The following MINDY2 variants were observed in gnomAD, a reference collection of about 807,000 sequenced individuals.
MINDY2 encodes the protein ubiquitin carboxyl-terminal hydrolase MINDY-2.
A neutral mutation model predicts 68.2 loss-of-function variants in MINDY2; 52 were observed. That is an observed-to-expected ratio of 0.76 (90% CI 0.61 to 0.96). The LOEUF (loss-of-function observed/expected upper bound fraction) is 0.96, where lower values mean the gene tolerates loss of function less well. Ranked by LOEUF, MINDY2 falls within the 40% of genes least tolerant of loss-of-function variation. The pLI is 0.00. For missense variants in MINDY2, 881 were observed against 773.4 expected (o/e 1.14, Z -1.65); for synonymous variants, 372 against 303.0 (o/e 1.23, Z -2.36).
intron 1 of MINDY2, among the ~76,000 whole-genome samples, chr15:58,777,473 C>G (rs1249428553): frequency 1.3e-5 from 2 of 152,006 alleles, no homozygotes; most frequent in Admixed American, 6.5e-5. Flanking sequence ...GGCGATCATT[C>G]ATAATCTATT....
At chr15:58,848,006 G>A (rs1319920519) in intron 7 of MINDY2, among the ~76,000 whole-genome samples, 1 of 152,116 alleles carries the variant, frequency 6.6e-6, no homozygotes, top group African/African-American at 2.4e-5. Flanking sequence ...AAGGTAAGGA[G>A]GAGTAGTAGA....
At chr15:58,840,206 T>C (rs1412905667) in intron 6 of MINDY2, among the ~76,000 whole-genome samples, 3 of 152,168 alleles carry the variant, frequency 2.0e-5, no homozygotes, top group Non-Finnish European at 4.4e-5. Flanking sequence ...ATCAAACTGA[T>C]CCATTTTTTG....
intron 5 of MINDY2, among the ~76,000 whole-genome samples, chr15:58,823,517 A>C (rs2141003021): frequency 6.6e-6 from 1 of 152,110 alleles, no homozygotes; most frequent in Non-Finnish European, 1.5e-5. Context: ...CTAAAAAATA[A>C]AAATAAAAAA....
chr15:58,810,097 A>G (rs1007662354), intron 3 of MINDY2, 133 bp from the exon 4 acceptor site: 8 of 808,724 alleles, frequency 9.9e-6, no homozygotes, highest in Admixed American at 5.6e-5. Flanking sequence ...TAGATACTCA[A>G]TAATAAAAAT....
At chr15:58,830,513 C>G (rs1456756966) in intron 5 of MINDY2, among the ~76,000 whole-genome samples, 5 of 152,132 alleles carry the variant, frequency 3.3e-5, no homozygotes, top group African/African-American at 9.7e-5. Context: ...ATAATGCAGA[C>G]ATTCCAAAAT....
chr15:58,826,360 G>C (rs1373116356), intron 5 of MINDY2, among the ~76,000 whole-genome samples: 1 of 151,144 alleles, frequency 6.6e-6, no homozygotes, highest in African/African-American at 2.4e-5. Context: ...CTCCCAAGTA[G>C]CTGGGATCAC....
At chr15:58,829,881 G>A (rs1281277174) in intron 5 of MINDY2, among the ~76,000 whole-genome samples, 1 of 152,162 alleles carries the variant, frequency 6.6e-6, no homozygotes, top group African/African-American at 2.4e-5. Flanking sequence ...GATGTCGAGG[G>A]AGTGGAATAA....
Position 58,851,884 on chromosome 15 carries a change from A to G in MINDY2, c.1656A>G (p.Glu552=), listed in dbSNP as rs573351259. Residue 552 remains glutamate (E), a synonymous_variant, in exon 8 of 9, where the codon GAA becomes GAG. Coordinates refer to ENST00000559228, the MANE Select transcript of MINDY2 (RefSeq NM_001040450.3). ...DLELAKKLQE[E]EDRRASQYYQ... is the part of the protein sequence containing the mutation. Reference sequence around the variant, plus strand: ...AACTAGCAAAGAAACTCCAAGAGGAAGAGGACAGACGGGCTTCTCAATACT... The same window carrying G: ...AACTAGCAAAGAAACTCCAAGAGGAGGAGGACAGACGGGCTTCTCAATACT... 144 of 1,613,610 alleles carry G rather than the reference A, an allele frequency of 8.9e-5. 1 individual carries two copies. In the South Asian group the frequency reaches 1.5e-3, roughly 17 times the overall value.
In MINDY2 at chr15:58,771,659, G is replaced by A. The variant is rs1313026219; in HGVS notation, c.264G>A (p.Lys88=). ...GCTCCTCCGCGGGTTTGGACTTGAA[G>A]GACAGTGGTTTGGAGAGTCCTGCTG... ...PCSSSAGLDL[K]DSGLESPAAA... The change falls in exon 1 of 9, where the codon AAG becomes AAA. Residue 88 remains lysine (K), a synonymous_variant. Transcript: ENST00000559228. 6.2e-7 allele frequency: 1 copy of A among 1,612,654 alleles called. No homozygotes were observed. The highest frequency in any genetic ancestry group is 8.5e-7 in the Non-Finnish European group (1 of 1,179,918).
In MINDY2 at chr15:58,804,946, A is replaced by G. The variant is rs531664884; in HGVS notation, c.963+2569A>G. Among the ~76,000 whole-genome samples, 5 of 152,316 alleles carry G rather than the reference A, an allele frequency of 3.3e-5. No homozygotes were observed. The South Asian group carries it at 1.0e-3, about 32-fold the overall frequency. ...AGTTCAAGACCAATCCGGGTGTGAT[A>G]TAGTAAGACTCCATCTCAAAAAATT... On this transcript the variant is annotated intron_variant, in intron 3 of 8. Coordinates refer to ENST00000559228, the MANE Select transcript of MINDY2 (RefSeq NM_001040450.3).
chr15:58,805,290 T>C (rs1446204723), intron 3 of MINDY2, among the ~76,000 whole-genome samples: 1 of 152,210 alleles, frequency 6.6e-6, no homozygotes, highest in African/African-American at 2.4e-5. Flanking sequence ...ACAAGTGTGA[T>C]GTAATAGTGT....
intron 1 of MINDY2, among the ~76,000 whole-genome samples, chr15:58,778,614 T>C (rs1251908407): frequency 6.6e-6 from 1 of 151,370 alleles, no homozygotes; most frequent in African/African-American, 2.4e-5. Context: ...ATTATATGTC[T>C]AAGGGCTAAT....
chr15:58,778,230 G>A (rs9646204), intron 1 of MINDY2, among the ~76,000 whole-genome samples: 21,907 of 151,950 alleles, frequency 0.14, 1,943 homozygotes, highest in East Asian at 0.45. Flanking sequence ...ATAGAGTATT[G>A]CAATATCTAG....
At chr15:58,836,571 A>G (rs1363344886) in intron 6 of MINDY2, among the ~76,000 whole-genome samples, 1 of 152,108 alleles carries the variant, frequency 6.6e-6, no homozygotes, top group Non-Finnish European at 1.5e-5. Flanking sequence ...GTCTTTAGAT[A>G]AGACACTGCT....
chr15:58,778,810 C>CTTTT (rs1182523003), intron 1 of MINDY2, among the ~76,000 whole-genome samples: 11 of 114,372 alleles, frequency 9.6e-5, no homozygotes, highest in Non-Finnish European at 1.0e-4. Flanking sequence ...TTCTTTTTTT[C>CTTTT]TTTTTTTTTT....
intron 1 of MINDY2, among the ~76,000 whole-genome samples, chr15:58,782,560 C>T (rs1901215553): frequency 6.6e-6 from 1 of 152,148 alleles, no homozygotes; most frequent in Admixed American, 6.6e-5. Flanking sequence ...TTAGAGTCAA[C>T]TTTTATTATT....
chr15:58,781,776 G>T (rs879731931), intron 1 of MINDY2, among the ~76,000 whole-genome samples: 3 of 152,018 alleles, frequency 2.0e-5, no homozygotes, highest in Non-Finnish European at 4.4e-5. Flanking sequence ...GGTGGCGGGC[G>T]CCTGTAATCC....
In MINDY2 at chr15:58,858,509, C is replaced by A. The variant is rs1015778543; in HGVS notation, c.*3899C>A. ...TCATGAGAGGAAAGAGAACTAGAGG[C>A]CAATAAATAAAATAATTGTTCATAT... On this transcript the variant is annotated 3_prime_UTR_variant, in exon 9 of 9. Transcript: ENST00000559228. The A allele has an allele frequency of 5.3e-5, 8 of 151,974 alleles. No individual in the cohort carries two copies. Among genetic ancestry groups the A allele is most frequent in the Non-Finnish European group, 1.0e-4 (7 of 67,962 alleles). 9.4% of individuals were successfully genotyped at this position (151,974 alleles called of 1,614,324 possible). A position where few individuals can be genotyped will look rare whatever the true frequency, so the allele number is the denominator to read the frequency against.
intron 6 of MINDY2, among the ~76,000 whole-genome samples, chr15:58,845,064 C>A (rs1385400872): frequency 6.6e-6 from 1 of 150,800 alleles, no homozygotes. Flanking sequence ...ATCTCATAAT[C>A]AAATTTAAAA....
Sources: gnomAD v4.1 joint callset for allele counts (sites outside exome capture counted in the v4.1 genomes callset) on GRCh38, gnomAD v4.1.1 for gene constraint, MANE v1.5 for transcripts, NCBI Gene and HGNC (gene_info 2026-07-23, HGNC 2026-07-21) for gene names.